The following TIAM2 variants were observed in gnomAD, a reference collection of about 807,000 sequenced individuals.
The protein encoded by TIAM2 is rho guanine nucleotide exchange factor TIAM2.
Under a neutral mutation model 152.9 loss-of-function variants are expected in TIAM2, and 80 were observed. The ratio of observed to expected loss-of-function variants is 0.52; its 90% CI spans 0.44 to 0.63. The LOEUF is 0.63. TIAM2 is among the 30% of genes least tolerant of loss of function. The pLI is 0.00. For missense variants in TIAM2, 1,965 were observed against 2,120.1 expected, an observed-to-expected ratio of 0.93 and a Z score of 1.44; for synonymous variants, 804 against 838.0, an observed-to-expected ratio of 0.96 and a Z score of 0.70.
At position 155,174,987 on chromosome 6, in the gene TIAM2, C is replaced by T. The variant is rs143050021; in HGVS notation, c.2362-1829C>T. Among the ~76,000 whole-genome samples, 47 of 152,248 alleles carry T rather than the reference C, an allele frequency of 3.1e-4. No individual in the cohort carries two copies. Among genetic ancestry groups the T allele is most frequent in the Middle Eastern group, 6.8e-3 (2 of 294 alleles). On this transcript the variant is annotated intron_variant, in intron 9 of 26. Coordinates refer to ENST00000682666, the MANE Select transcript of TIAM2 (RefSeq NM_012454.4). The surrounding 1 kb of genome is among the most constrained non-coding windows in gnomAD (Gnocchi z 4.2). ...GCAGCATCTGTTTGTTGCTAAGCACCGGGTTGAAATCACTGCCCAGATGAA... is the reference window on the plus strand; with the variant it reads ...GCAGCATCTGTTTGTTGCTAAGCACTGGGTTGAAATCACTGCCCAGATGAA...
intron 1 of TIAM2, among the ~76,000 whole-genome samples, chr6:155,061,467 C>T (rs909589173): frequency 6.6e-5 from 10 of 152,146 alleles, no homozygotes; most frequent in Non-Finnish European, 7.3e-5. Flanking sequence ...TCCCGCTTTT[C>T]GTATTTATAA....
intron 14 of TIAM2, among the ~76,000 whole-genome samples, chr6:155,192,087 A>C (rs1781221169): frequency 6.6e-6 from 1 of 152,214 alleles, no homozygotes; most frequent in Admixed American, 6.5e-5. Context: ...GAGGAGGGTC[A>C]GAATCAGAGA....
At chr6:155,038,409 C>T (rs1299867682) in intron 1 of TIAM2, among the ~76,000 whole-genome samples, 3 of 152,164 alleles carry the variant, frequency 2.0e-5, no homozygotes, top group Non-Finnish European at 4.4e-5. Context: ...ACACAGGATG[C>T]TGTATTTCCA....
At chr6:155,106,928 T>C (rs553159160) in intron 2 of TIAM2, among the ~76,000 whole-genome samples, 1 of 152,204 alleles carries the variant, frequency 6.6e-6, no homozygotes, top group South Asian at 2.1e-4. Context: ...ATGGAAAAAA[T>C]TGAACATGAT....
chr6:155,182,694 T>C (rs989805366), intron 13 of TIAM2, among the ~76,000 whole-genome samples: 1 of 151,862 alleles, frequency 6.6e-6, no homozygotes, highest in Non-Finnish European at 1.5e-5. Flanking sequence ...AGTGTATACA[T>C]ATATATAGAC....
chr6:155,092,057 C>A (rs539482162), intron 2 of TIAM2, among the ~76,000 whole-genome samples: 2 of 152,158 alleles, frequency 1.3e-5, no homozygotes, highest in South Asian at 2.1e-4. Context: ...ACCACTGGGC[C>A]CGGCTAGTTT....
At chr6:155,051,821 T>C (rs1422013966) in intron 1 of TIAM2, among the ~76,000 whole-genome samples, 1 of 152,014 alleles carries the variant, frequency 6.6e-6, no homozygotes, top group African/African-American at 2.4e-5. Flanking sequence ...ATTTTTTTTA[T>C]TAGAGACGGG....
At chr6:155,195,158 C>CTTAA (rs963629439) in intron 14 of TIAM2, among the ~76,000 whole-genome samples, 3 of 152,188 alleles carry the variant, frequency 2.0e-5, no homozygotes, top group African/African-American at 7.2e-5. Flanking sequence ...GATTCTAAGG[C>CTTAA]TTAAGGTGTG....
chr6:155,002,233 A>T (rs1778325723), intron 1 of TIAM2, among the ~76,000 whole-genome samples: 1 of 152,152 alleles, frequency 6.6e-6, no homozygotes, highest in Non-Finnish European at 1.5e-5. Flanking sequence ...ACATAGTAAG[A>T]CCCTGTCTCT....
intron 2 of TIAM2, among the ~76,000 whole-genome samples, chr6:155,099,543 A>G (rs1343546686): frequency 1.3e-5 from 2 of 152,214 alleles, no homozygotes; most frequent in Non-Finnish European, 2.9e-5. Flanking sequence ...ATGGTGTGGT[A>G]TAAGGCTCAC....
chr6:155,205,221 G>T (rs1012289374), intron 14 of TIAM2, among the ~76,000 whole-genome samples: 5 of 71,428 alleles, frequency 7.0e-5, no homozygotes, highest in African/African-American at 1.1e-4. Flanking sequence ...AAAAAAAAAA[G>T]TCATCTTGTA....
rs1056832438 is a variant in TIAM2 at position 155,138,920 on chromosome 6, A to G, written c.1630+1308A>G. On this transcript the variant is annotated intron_variant, in intron 5 of 26. Transcript: ENST00000682666. The stretch of plus-strand genomic sequence containing the variant: ...TGTTGACATGAGAAAAGTTTTTTAT[A>G]AGCATTGCCATTTAAAAACTATAAT... 1.6e-4 allele frequency among the ~76,000 whole-genome samples: 24 copies of G among 152,254 alleles called. 1 individual carries two copies. Among genetic ancestry groups the G allele is most frequent in the Non-Finnish European group, 2.1e-4 (14 of 68,014 alleles).
intron 2 of TIAM2, among the ~76,000 whole-genome samples, chr6:155,101,976 A>G (rs991541521): frequency 6.6e-6 from 1 of 151,100 alleles, no homozygotes; most frequent in Non-Finnish European, 1.5e-5. Context: ...TGCTGGGATT[A>G]CAGGCATGAG....
At chr6:155,172,672 ATATATATATATATATTTTTTTTTTT>A (rs1458505764) in intron 9 of TIAM2, among the ~76,000 whole-genome samples, 24 of 12,454 alleles carry the variant, frequency 1.9e-3, no homozygotes, top group East Asian at 0.015. Flanking sequence ...ATATATATAT[ATATATATATATATATTTTTTTTTTT>A]TTTTTTTTTT....
At chr6:155,255,790 T>C (rs1245337102) in intron 26 of TIAM2, 3 of 152,336 alleles carry the variant, frequency 2.0e-5, no homozygotes, top group African/African-American at 7.2e-5. Flanking sequence ...CCTTGAGCTC[T>C]TGAGAACAGG....
intron 1 of TIAM2, among the ~76,000 whole-genome samples, chr6:155,003,464 A>G (rs542700830): frequency 6.6e-6 from 1 of 152,200 alleles, no homozygotes; most frequent in Non-Finnish European, 1.5e-5. Flanking sequence ...TAGGCAACAG[A>G]GTGAGACTCT....
At chr6:155,044,134 G>A (rs1456499161) in intron 1 of TIAM2, among the ~76,000 whole-genome samples, 2 of 152,138 alleles carry the variant, frequency 1.3e-5, no homozygotes, top group African/African-American at 4.8e-5. Context: ...CTGCCTGCTA[G>A]TTTGTTCACA....
chr6:155,187,600 A>G (rs1202918458), intron 14 of TIAM2, among the ~76,000 whole-genome samples: 2 of 27,586 alleles, frequency 7.3e-5, no homozygotes, highest in East Asian at 1.3e-3. Flanking sequence ...TTTTTTTGAG[A>G]TGAAGTTTTG....
intron 1 of TIAM2, among the ~76,000 whole-genome samples, chr6:155,057,101 T>G (rs539282482): frequency 1.4e-5 from 2 of 146,866 alleles, no homozygotes; most frequent in African/African-American, 5.1e-5. Context: ...CAATCTCGGT[T>G]CACTGCATCC....
Sources: gnomAD v4.1 joint callset for allele counts (sites outside exome capture counted in the v4.1 genomes callset) on GRCh38, gnomAD v4.1.1 for gene constraint, Gnocchi (gnomAD v3.1) non-coding constraint, MANE v1.5 for transcripts, NCBI Gene and HGNC (gene_info 2026-07-23, HGNC 2026-07-21) for gene names.